ZRANB3: variants seen among roughly 807,000 people sequenced by gnomAD.
The protein encoded by ZRANB3 is zinc finger RANBP2-type containing 3, also known as DNA annealing helicase and endonuclease ZRANB3.
A neutral mutation model predicts 133.8 loss-of-function variants in ZRANB3; 125 were observed. The ratio of observed to expected loss-of-function variants is 0.93; its 90% confidence interval spans 0.81 to 1.08. ZRANB3 has a LOEUF of 1.08. ZRANB3 is among the 50% of genes least tolerant of loss of function. The pLI is 0.00. For synonymous variants in ZRANB3, 387 were observed against 432.7 expected (o/e 0.89, Z 1.31); for missense variants, 1,229 against 1,275.5 (o/e 0.96, Z 0.56).
At chr2:135,260,830 CTA>C (rs1405845713) in intron 12 of ZRANB3, among the ~76,000 whole-genome samples, 2 of 142,514 alleles carry the variant, frequency 1.4e-5, no homozygotes, top group African/African-American at 5.1e-5. Flanking sequence ...ACTATATATT[CTA>C]TATATATACT....
At chr2:135,424,250 A>C (rs934131128) in intron 2 of ZRANB3, among the ~76,000 whole-genome samples, 2 of 152,178 alleles carry the variant, frequency 1.3e-5, no homozygotes, top group African/African-American at 4.8e-5. Flanking sequence ...AGTTCAATAG[A>C]AGTACTAGAA....
At chr2:135,353,248 C>A in intron 4 of ZRANB3, 1 of 307,040 alleles carries the variant, frequency 3.3e-6, no homozygotes, top group East Asian at 5.8e-5. Flanking sequence ...AAAAATATAC[C>A]ATAAAGGAAC....
At chr2:135,304,923 TTTTTG>T (rs145655028) in intron 8 of ZRANB3, among the ~76,000 whole-genome samples, 9,801 of 152,124 alleles carry the variant, frequency 0.064, 635 homozygotes, top group African/African-American at 0.17. Context: ...TTCTTCTCTA[TTTTTG>T]TTTTAAGTTT....
Position 135,489,345 on chromosome 2 carries a change from T to G in ZRANB3, c.161+14984A>C, listed in dbSNP as rs1044742843. Among the ~76,000 whole-genome samples, 21 of 145,520 alleles carry G rather than the reference T, an allele frequency of 1.4e-4. 1 individual carries two copies. Among genetic ancestry groups the G allele is most frequent in the African/African-American group, 5.3e-4 (21 of 39,860 alleles). On this transcript the variant is annotated intron_variant, in intron 2 of 20. Transcript: ENST00000264159. ...AGGGGGGAGGGATAGCATTAGGAGA[T>G]ATACCTAATGCTAAATGATGAGTTA... is the stretch of plus-strand genomic sequence containing the variant.
chr2:135,275,693 A>G lies in ZRANB3; in HGVS notation c.1029T>C (p.Val343=). 1 of 1,608,428 alleles carries G rather than the reference A, an allele frequency of 6.2e-7. No individual in the cohort carries two copies. Among genetic ancestry groups the G allele is most frequent in the South Asian group, 1.1e-5 (1 of 89,878 alleles). Residue 343 remains valine (V), a synonymous_variant, in exon 9 of 21, where the codon GTT becomes GTC. Coordinates refer to ENST00000264159, the MANE Select transcript of ZRANB3 (RefSeq NM_032143.4). ...GGAGCATGCTTAAATGGTGAGCAAAAACCAGAAATTTAAGCGAATCATTCT... is the reference window on the plus strand; with the variant it reads ...GGAGCATGCTTAAATGGTGAGCAAAGACCAGAAATTTAAGCGAATCATTCT... ...MLQNDSLKFL[V]FAHHLSMLQA...
At chr2:135,364,768 A>T (rs1397953526) in intron 3 of ZRANB3, among the ~76,000 whole-genome samples, 1 of 150,306 alleles carries the variant, frequency 6.7e-6, no homozygotes, top group African/African-American at 2.5e-5. Flanking sequence ...AAAATAAATA[A>T]GGCCAGGCAC....
intron 2 of ZRANB3, among the ~76,000 whole-genome samples, chr2:135,416,214 G>A (rs1168370222): frequency 1.3e-5 from 2 of 151,480 alleles, no homozygotes; most frequent in African/African-American, 4.9e-5. Flanking sequence ...AAACCCCATC[G>A]TCTCAGCCCA....
chr2:135,372,786 CAAAA>C (rs536156455), intron 3 of ZRANB3, among the ~76,000 whole-genome samples: 1 of 53,778 alleles, frequency 1.9e-5, no homozygotes. Context: ...GACTCCATCT[CAAAA>C]AAAAAAAAAA....
At chr2:135,257,509 G>A (rs1679720432) in intron 12 of ZRANB3, among the ~76,000 whole-genome samples, 1 of 152,080 alleles carries the variant, frequency 6.6e-6, no homozygotes, top group Admixed American at 6.6e-5. Context: ...ACTCCCAGAT[G>A]GTTTTACAAA....
intron 2 of ZRANB3, among the ~76,000 whole-genome samples, chr2:135,406,362 G>C (rs943515349): frequency 7.2e-5 from 11 of 152,182 alleles, no homozygotes; most frequent in Non-Finnish European, 1.2e-4. Context: ...CCCAGGACCA[G>C]ATGGATTCAC....
At chr2:135,341,464 G>A (rs1279904348) in intron 6 of ZRANB3, among the ~76,000 whole-genome samples, 1 of 149,952 alleles carries the variant, frequency 6.7e-6, no homozygotes, top group Non-Finnish European at 1.5e-5. Flanking sequence ...TCAGGATCCT[G>A]TGATGATTGC....
At chr2:135,495,457 G>A (rs914138019) in intron 2 of ZRANB3, among the ~76,000 whole-genome samples, 49 of 152,108 alleles carry the variant, frequency 3.2e-4, no homozygotes, top group African/African-American at 1.1e-3. Flanking sequence ...GGAGCATAAT[G>A]TATGCAACCT....
At chr2:135,379,033 T>A (rs899524190) in intron 3 of ZRANB3, among the ~76,000 whole-genome samples, 2 of 152,160 alleles carry the variant, frequency 1.3e-5, no homozygotes, top group Admixed American at 1.3e-4. Context: ...GGTCTTCAGT[T>A]AATAATAATA....
chr2:135,219,071 T>C lies in ZRANB3; in HGVS notation c.2352+6A>G. The C allele has an allele frequency of 6.8e-7, 1 of 1,468,508 alleles. No homozygotes were observed. The highest frequency in any genetic ancestry group is 9.0e-7 in the Non-Finnish European group (1 of 1,110,712). 91.0% of individuals were successfully genotyped at this position (1,468,508 alleles called of 1,614,324 possible). A position where few individuals can be genotyped will look rare whatever the true frequency, so the allele number is the denominator to read the frequency against. ...ATAAAGCCATTTTATTTAAAACTATTCTTACCAGTGAGCGATATTGTTTCA... is the reference window on the plus strand; with the variant it reads ...ATAAAGCCATTTTATTTAAAACTATCCTTACCAGTGAGCGATATTGTTTCA... On this transcript the variant is annotated splice_donor_region_variant and intron_variant, in intron 16 of 20. Coordinates refer to ENST00000264159, the MANE Select transcript of ZRANB3 (RefSeq NM_032143.4).
intron 12 of ZRANB3, among the ~76,000 whole-genome samples, chr2:135,254,901 C>T (rs564350312): frequency 1.3e-5 from 2 of 152,134 alleles, no homozygotes; most frequent in Admixed American, 6.5e-5. Context: ...CAGGCACACA[C>T]CGCCACACCT....
chr2:135,258,603 C>T (rs764982391), intron 12 of ZRANB3, among the ~76,000 whole-genome samples: 1 of 152,182 alleles, frequency 6.6e-6, no homozygotes. Context: ...GGTTTTCCTA[C>T]AACACTACGA....
At chr2:135,203,077 A>T (rs1693690346) in intron 19 of ZRANB3, 114 bp from the exon 20 acceptor site, 1 of 1,261,962 alleles carries the variant, frequency 7.9e-7, no homozygotes, top group South Asian at 1.5e-5. Context: ...GGAAAAATAC[A>T]TCAGGAGAGC....
intron 2 of ZRANB3, among the ~76,000 whole-genome samples, chr2:135,428,852 C>T (rs1021856324): frequency 5.3e-5 from 8 of 152,132 alleles, no homozygotes; most frequent in South Asian, 2.1e-4. Flanking sequence ...TCACGCCATC[C>T]GGAATGGCTA....
At chr2:135,311,409 T>A (rs188817652) in intron 8 of ZRANB3, among the ~76,000 whole-genome samples, 63 of 152,288 alleles carry the variant, frequency 4.1e-4, no homozygotes, top group African/African-American at 2.4e-4. Flanking sequence ...CAGTTTTTTT[T>A]ATCAAGTTAA....
Sources: gnomAD v4.1 joint callset for allele counts (sites outside exome capture counted in the v4.1 genomes callset) on GRCh38, gnomAD v4.1.1 for gene constraint, MANE v1.5 for transcripts, NCBI Gene and HGNC (gene_info 2026-07-23, HGNC 2026-07-21) for gene names.